LIMCH1: variants seen among roughly 807,000 people sequenced by gnomAD.
LIMCH1 encodes LIM and calponin homology domains 1.
LIMCH1 carries 113 observed loss-of-function variants against 176.5 expected under a neutral mutation model. The ratio of observed to expected loss-of-function variants is 0.64; its 90% CI spans 0.55 to 0.75. The LOEUF (loss-of-function observed/expected upper bound fraction) is 0.75, where lower values mean the gene tolerates loss of function less well. LIMCH1 is among the 30% of genes least tolerant of loss of function. The pLI is 0.00. For missense variants in LIMCH1, 1,674 were observed against 1,814.9 expected (o/e 0.92, Z 1.41); for synonymous variants, 619 against 645.9 (o/e 0.96, Z 0.63).
At position 41,653,987 on chromosome 4, in the gene LIMCH1, C is replaced by T. The variant is rs1194748699; in HGVS notation, c.3036+3379C>T. Among the ~76,000 whole-genome samples the T allele has an allele frequency of 4.6e-5, 7 of 152,198 alleles. No homozygotes were observed. In the East Asian group the frequency reaches 5.8e-4, roughly 13 times the overall value. On this transcript the variant is annotated intron_variant, in intron 18 of 31. Transcript: ENST00000503057. The stretch of plus-strand genomic sequence containing the variant: ...ATAGCAGTTACCTTGCAGATGGGCA[C>T]GTGTTAATTGGTAAATATGAATTAA...
intron 1 of LIMCH1, among the ~76,000 whole-genome samples, chr4:41,395,424 G>A (rs1384120201): frequency 7.8e-6 from 1 of 128,254 alleles, no homozygotes; most frequent in Non-Finnish European, 1.6e-5. Flanking sequence ...TGTATTTTTA[G>A]TAGAGGTGGG....
At chr4:41,684,343 T>C in intron 26 of LIMCH1, 54 bp from the exon 27 acceptor site, 1 of 1,566,470 alleles carries the variant, frequency 6.4e-7, no homozygotes, top group African/African-American at 1.4e-5. Flanking sequence ...GACCAAGAAG[T>C]TCGATTCAGT....
intron 1 of LIMCH1, among the ~76,000 whole-genome samples, chr4:41,483,458 T>G (rs2068993288): frequency 6.6e-6 from 1 of 152,146 alleles, no homozygotes; most frequent in African/African-American, 2.4e-5. Flanking sequence ...AGAATCTCTT[T>G]AGAGGTAGGA....
chr4:41,613,442 C>A (rs771815189), intron 4 of LIMCH1, 24 bp from the exon 5 acceptor site: 11 of 1,602,940 alleles, frequency 6.9e-6, no homozygotes, highest in Non-Finnish European at 9.4e-6. Context: ...ATGTCTGTAA[C>A]CCTTTCATTT....
rs564748801 is a variant in LIMCH1 at position 41,463,508 on chromosome 4, A to C, written c.97-31028A>C. Among the ~76,000 whole-genome samples, 50 of 151,930 alleles carry C rather than the reference A, an allele frequency of 3.3e-4. 1 individual carries two copies. In the South Asian group the frequency reaches 0.01, roughly 31 times the overall value. Reference sequence around the variant, plus strand: ...CATGGCTTCCAGTTAGAAATCTATCATGAAAGCATCCAAGTAGTTTCTGTA... The same window carrying C: ...CATGGCTTCCAGTTAGAAATCTATCCTGAAAGCATCCAAGTAGTTTCTGTA... On this transcript the variant is annotated intron_variant, in intron 1 of 26. Coordinates refer to the LIMCH1 transcript ENST00000313860.
At chr4:41,644,731 C>A in intron 15 of LIMCH1, 105 bp downstream of exon 15, 1 of 1,385,410 alleles carries the variant, frequency 7.2e-7, no homozygotes, top group Non-Finnish European at 9.7e-7. Context: ...GAAAGGGAGC[C>A]CCTAGAGGGT....
At chr4:41,604,429 A>G (rs1306077704) in intron 3 of LIMCH1, among the ~76,000 whole-genome samples, 1 of 152,100 alleles carries the variant, frequency 6.6e-6, no homozygotes, top group Non-Finnish European at 1.5e-5. Context: ...GTGCTGTTTT[A>G]TTTTCAGTTT....
intron 1 of LIMCH1, among the ~76,000 whole-genome samples, chr4:41,449,142 C>T (rs2063579487): frequency 6.6e-6 from 1 of 152,048 alleles, no homozygotes; most frequent in Non-Finnish European, 1.5e-5. Flanking sequence ...CTCAGCTGAC[C>T]CCTGGACCTC....
intron 1 of LIMCH1, among the ~76,000 whole-genome samples, chr4:41,494,382 TACATACATATACGTACATACACATAA>T (rs1041438452): frequency 6.6e-6 from 1 of 150,570 alleles, no homozygotes; most frequent in Non-Finnish European, 1.5e-5. Flanking sequence ...TATATACACA[TACATACATATACGTACATACACATAA>T]ACATACATAT....
chr4:41,550,901 C>T (rs1027667481), intron 1 of LIMCH1, among the ~76,000 whole-genome samples: 1 of 152,076 alleles, frequency 6.6e-6, no homozygotes, highest in African/African-American at 2.4e-5. Flanking sequence ...AATCGGGGCA[C>T]ACACTTTACT....
chr4:41,602,456 T>C (rs73810281), intron 2 of LIMCH1, among the ~76,000 whole-genome samples: 2,783 of 152,288 alleles, frequency 0.018, 77 homozygotes, highest in African/African-American at 0.063. Context: ...TGAACTTTTA[T>C]CATCACTGCA....
At chr4:41,553,469 C>A (rs545042091) in intron 1 of LIMCH1, among the ~76,000 whole-genome samples, 17 of 152,046 alleles carry the variant, frequency 1.1e-4, no homozygotes, top group Non-Finnish European at 2.2e-4. Context: ...ATGTTCCCAG[C>A]AGATAGAACA....
intron 4 of LIMCH1, among the ~76,000 whole-genome samples, chr4:41,607,595 GT>G (rs796521091): frequency 1.3e-5 from 2 of 152,312 alleles, no homozygotes; most frequent in South Asian, 2.1e-4. Flanking sequence ...TTGTCTCACA[GT>G]TCCCCTGCTA....
intron 2 of LIMCH1, among the ~76,000 whole-genome samples, chr4:41,524,034 T>G (rs965849213): frequency 1.3e-5 from 2 of 152,216 alleles, no homozygotes; most frequent in Non-Finnish European, 2.9e-5. Flanking sequence ...CCTGGAGAGA[T>G]CCATGTCTTA....
intron 1 of LIMCH1, among the ~76,000 whole-genome samples, chr4:41,454,935 CGTACAT>C (rs1266760657): frequency 2.0e-4 from 28 of 137,958 alleles, no homozygotes; most frequent in African/African-American, 8.1e-4. Context: ...TGCTTGTATG[CGTACAT>C]GTGTGTGTGT....
intron 1 of LIMCH1, among the ~76,000 whole-genome samples, chr4:41,471,738 G>A (rs150274411): frequency 1.3e-5 from 2 of 152,174 alleles, no homozygotes; most frequent in African/African-American, 4.8e-5. Context: ...AAAAAGTCAA[G>A]TGTGTGTGTT....
chr4:41,362,454 C>A (rs1318472191), intron 1 of LIMCH1, among the ~76,000 whole-genome samples: 1 of 152,182 alleles, frequency 6.6e-6, no homozygotes, highest in African/African-American at 2.4e-5. Context: ...TGGCTTATTG[C>A]AGAGTTGGAT....
At chr4:41,450,145 C>T (rs1184611045) in intron 1 of LIMCH1, among the ~76,000 whole-genome samples, 3 of 152,118 alleles carry the variant, frequency 2.0e-5, no homozygotes, top group African/African-American at 4.8e-5. Flanking sequence ...CAATTCAGTC[C>T]ATAACATTTG....
At chr4:41,496,782 G>A (rs1430417390) in intron 2 of LIMCH1, among the ~76,000 whole-genome samples, 1 of 152,164 alleles carries the variant, frequency 6.6e-6, no homozygotes, top group Non-Finnish European at 1.5e-5. Flanking sequence ...TGATGGTGGG[G>A]GCCAAAAGCT....
Sources: allele counts gnomAD v4.1 joint callset (sites outside exome capture counted in the v4.1 genomes callset), GRCh38; gene constraint gnomAD v4.1.1; transcripts MANE v1.5; gene names NCBI Gene and HGNC (gene_info 2026-07-23, HGNC 2026-07-21).